Variants in PTBP3 observed in about 807,000 individuals in gnomAD.
PTBP3 encodes polypyrimidine tract-binding protein 3.
Under a neutral mutation model 58.7 loss-of-function variants are expected in PTBP3, and 20 were observed. The observed-to-expected ratio is 0.34, with a 90% confidence interval of 0.24 to 0.50. PTBP3 has a LOEUF of 0.50. PTBP3 is among the 20% of genes least tolerant of loss of function. PTBP3 has a pLI of 0.98. For synonymous variants in PTBP3, 185 were observed against 219.8 expected (o/e 0.84, Z 1.40); for missense variants, 509 against 637.2 (o/e 0.80, Z 2.17).
In PTBP3 at chr9:112,221,772, G is replaced by A; in HGVS notation, c.*2079C>T. On this transcript the variant is annotated 3_prime_UTR_variant, in exon 14 of 14. Transcript: ENST00000374257. ...TTCTACCAACTAAGTGTTGCTCAGT[G>A]GTGAGTGAATTCTGCTTTTTAAACA... The A allele has an allele frequency of 1.0e-6, 1 of 985,220 alleles. No homozygotes were observed. Among genetic ancestry groups the A allele is most frequent in the Non-Finnish European group, 1.2e-6 (1 of 829,776 alleles). 61.0% of individuals were successfully genotyped at this position (985,220 alleles called of 1,614,324 possible). A position where few individuals can be genotyped will look rare whatever the true frequency, so the allele number is the denominator to read the frequency against.
chr9:112,234,561 T>C (rs1038755417), intron 8 of PTBP3, among the ~76,000 whole-genome samples: 2 of 152,202 alleles, frequency 1.3e-5, no homozygotes, highest in Non-Finnish European at 2.9e-5. Context: ...GTAGTTAGCC[T>C]ATAGTTATTT....
At position 112,223,755 on chromosome 9, in the gene PTBP3, TGAAAGAGG is replaced by T; in HGVS notation, c.*88_*95del. The stretch of plus-strand genomic sequence containing the variant: ...AATATCAAACTCAGAGTTATTTTTG[TGAAAGAGG>T]CAAAATTGGTCTTGAGCTGCTTCAG... On this transcript the variant is annotated 3_prime_UTR_variant, in exon 14 of 14. Transcript: ENST00000374257. The T allele has an allele frequency of 6.5e-7, 1 of 1,537,720 alleles. No homozygotes were observed. The highest frequency in any genetic ancestry group is 1.4e-5 in the African/African-American group (1 of 71,628).
intron 1 of PTBP3, among the ~76,000 whole-genome samples, chr9:112,308,778 T>C (rs1204404260): frequency 3.3e-5 from 5 of 151,938 alleles, no homozygotes; most frequent in Admixed American, 2.0e-4. Flanking sequence ...CTAAGGAGAC[T>C]GTCCTTAGAA....
intron 2 of PTBP3, 135 bp downstream of exon 2, chr9:112,297,697 T>TAC: frequency 1.6e-6 from 1 of 619,138 alleles, no homozygotes; most frequent in East Asian, 2.9e-5. Flanking sequence ...CAGTATATAG[T>TAC]ACTTTACCGA....
At chr9:112,233,942 C>CAAAAA (rs33920406) in intron 8 of PTBP3, among the ~76,000 whole-genome samples, 1,607 of 150,094 alleles carry the variant, frequency 0.011, 30 homozygotes, top group African/African-American at 0.037. Context: ...ACAACAACAA[C>CAAAAA]AAAAAAAAGA....
chr9:112,227,256 T>G (rs1188641561), intron 12 of PTBP3, among the ~76,000 whole-genome samples, 155 bp downstream of exon 12: 1 of 152,196 alleles, frequency 6.6e-6, no homozygotes, highest in Non-Finnish European at 1.5e-5. Context: ...GGAGATAACC[T>G]TCTGAAGGCA....
the PTBP3 span, among the ~76,000 whole-genome samples, chr9:112,355,809 C>T: frequency 6.6e-6 from 1 of 151,860 alleles, no homozygotes; most frequent in Non-Finnish European, 1.5e-5. Context: ...TTTGTAGAGA[C>T]AGGGTTTCGC....
At chr9:112,314,985 C>T (rs1829644096) in intron 1 of PTBP3, among the ~76,000 whole-genome samples, 1 of 152,086 alleles carries the variant, frequency 6.6e-6, no homozygotes, top group Non-Finnish European at 1.5e-5. Flanking sequence ...GCACACGCTG[C>T]CATGCCCGGC....
intron 1 of PTBP3, among the ~76,000 whole-genome samples, chr9:112,301,030 A>C (rs1156631595): frequency 6.6e-6 from 1 of 152,112 alleles, no homozygotes; most frequent in African/African-American, 2.4e-5. Flanking sequence ...GTCAAATATA[A>C]AAACTTTTGT....
At chr9:112,286,370 T>C (rs1828114782) in intron 2 of PTBP3, among the ~76,000 whole-genome samples, 1 of 152,210 alleles carries the variant, frequency 6.6e-6, no homozygotes, top group African/African-American at 2.4e-5. Flanking sequence ...TTATTTTTTA[T>C]TCCTTTTTTC....
chr9:112,306,604 A>T (rs202048353), intron 1 of PTBP3, among the ~76,000 whole-genome samples: 2,483 of 103,990 alleles, frequency 0.024, 35 homozygotes, highest in Middle Eastern at 0.052. Context: ...ATATATATAT[A>T]TTTTTGTTTG....
chr9:112,249,735 T>C (rs540543496), intron 7 of PTBP3, among the ~76,000 whole-genome samples: 44 of 152,202 alleles, frequency 2.9e-4, no homozygotes, highest in African/African-American at 1.1e-3. Flanking sequence ...AGAACATTAA[T>C]TGCACCAAGA....
At chr9:112,245,134 C>G (rs1262959727) in intron 7 of PTBP3, among the ~76,000 whole-genome samples, 3 of 152,120 alleles carry the variant, frequency 2.0e-5, no homozygotes, top group Non-Finnish European at 4.4e-5. Flanking sequence ...CATGGCAAAA[C>G]CCTGTCTCTA....
At chr9:112,294,603 C>A (rs930402912) in intron 2 of PTBP3, among the ~76,000 whole-genome samples, 1 of 152,158 alleles carries the variant, frequency 6.6e-6, no homozygotes, top group Admixed American at 6.5e-5. Flanking sequence ...CAATTAAGAA[C>A]AAGACAAAGA....
the PTBP3 span, among the ~76,000 whole-genome samples, chr9:112,344,909 G>T: frequency 0.48 from 72,708 of 151,698 alleles, 17,742 homozygotes; most frequent in African/African-American, 0.56. Flanking sequence ...GAGGCGGGTG[G>T]ATCACCTGAG....
At position 112,234,836 on chromosome 9, in the gene PTBP3, T is replaced by A. The variant is rs182116273; in HGVS notation, c.864A>T (p.Gly288=). Residue 288 remains glycine, a synonymous_variant, in exon 8 of 14, where the codon GGA becomes GGT. Transcript: ENST00000374257. ...AAGAATCACCTGTAGCTTGAGGAAA[T>A]CCAATGGCTGGGGCAAATCCAGCAG... The part of the protein sequence containing the change: ...AGAAGFAPAI[G]FPQATGLSVP... 2 of 1,612,238 alleles carry A rather than the reference T, an allele frequency of 1.2e-6. No homozygotes were observed. Among genetic ancestry groups the A allele is most frequent in the African/African-American group, 2.7e-5 (2 of 74,810 alleles).
intron 7 of PTBP3, among the ~76,000 whole-genome samples, chr9:112,248,866 T>C (rs1384229901): frequency 6.6e-6 from 1 of 152,092 alleles, no homozygotes; most frequent in Non-Finnish European, 1.5e-5. Flanking sequence ...TTATCAACAA[T>C]AAAATGGATA....
chr9:112,306,048 G>C (rs1293450328), intron 1 of PTBP3, among the ~76,000 whole-genome samples: 2 of 152,162 alleles, frequency 1.3e-5, no homozygotes, highest in Non-Finnish European at 2.9e-5. Flanking sequence ...CCCTACACTT[G>C]CAATTGGTGT....
In PTBP3 at chr9:112,223,021, A is replaced by AC; in HGVS notation, c.*829_*830insG. 4.7e-6 allele frequency: 4 copies of AC among 850,902 alleles called. No homozygotes were observed. The highest frequency in any genetic ancestry group is 5.7e-6 in the Non-Finnish European group (4 of 707,304). 52.7% of individuals were successfully genotyped at this position (850,902 alleles called of 1,614,324 possible). ...AAAAAAGTAGTTTATAAGTAGGATT[A>AC]TTTTTCTTTAAAATTTTCCAAGATC... On this transcript the variant is annotated 3_prime_UTR_variant, in exon 14 of 14. Coordinates refer to ENST00000374257, the MANE Select transcript of PTBP3 (RefSeq NM_001163788.4).
Sources: allele counts gnomAD v4.1 joint callset (sites outside exome capture counted in the v4.1 genomes callset), GRCh38; gene constraint gnomAD v4.1.1; transcripts MANE v1.5; gene names NCBI Gene and HGNC (gene_info 2026-07-23, HGNC 2026-07-21).